Variants in TCF4 observed in about 807,000 individuals in gnomAD.
The protein encoded by TCF4 is transcription factor 4, also known as SL3-3 enhancer factor 2.
A neutral mutation model predicts 82.1 loss-of-function variants in TCF4; 3 were observed. That is an observed-to-expected ratio of 0.04 (90% confidence interval 0.02 to 0.09). The LOEUF (loss-of-function observed/expected upper bound fraction) is 0.09, where lower values mean the gene tolerates loss of function less well. Among genes scored for constraint, TCF4 ranks in the 10% least tolerant of loss-of-function variants. The probability of loss-of-function intolerance (pLI) is 1.00; values close to 1 mark genes in which losing one functional copy is unlikely to be tolerated. For synonymous variants in TCF4, 276 were observed against 309.6 expected, an observed-to-expected ratio of 0.89 and a Z score of 1.14; for missense variants, 518 against 852.7, an observed-to-expected ratio of 0.61 and a Z score of 4.89.
chr18:55,532,867 C>G (rs1266447577), intron 3 of TCF4, among the ~76,000 whole-genome samples: 3 of 152,102 alleles, frequency 2.0e-5, no homozygotes, highest in Non-Finnish European at 2.9e-5. Flanking sequence ...AAGCATGTTT[C>G]CAAATTCCAC....
chr18:55,301,233 C>G (rs957699860), intron 8 of TCF4, among the ~76,000 whole-genome samples: 1 of 152,192 alleles, frequency 6.6e-6, no homozygotes, highest in African/African-American at 2.4e-5. Context: ...TCAAGAAAAC[C>G]CGCTGAGCTG....
chr18:55,390,046 A>G (rs922058890), intron 6 of TCF4, among the ~76,000 whole-genome samples: 1 of 152,188 alleles, frequency 6.6e-6, no homozygotes, highest in African/African-American at 2.4e-5. Flanking sequence ...CAAAAGCACA[A>G]TACCAAAGGT....
rs540876985 is a variant in TCF4 at position 55,275,292 on chromosome 18, A to AC, written c.789+326_789+327insG. Reference sequence around the variant, plus strand: ...TACAGATAGAAAAAAAAAAAAAAAAAAAAAAACCAGGAACCACCATGTTAA... The same window carrying AC: ...TACAGATAGAAAAAAAAAAAAAAAAACAAAAAACCAGGAACCACCATGTTAA... On this transcript the variant is annotated intron_variant, in intron 10 of 19. Coordinates refer to ENST00000354452, the MANE Select transcript of TCF4 (RefSeq NM_001083962.2). 3.1e-3 allele frequency among the ~76,000 whole-genome samples: 466 copies of AC among 150,632 alleles called. 3 individuals are homozygous for AC. The highest frequency in any genetic ancestry group is 7.7e-3 in the African/African-American group (318 of 41,186).
intron 3 of TCF4, among the ~76,000 whole-genome samples, chr18:55,526,631 C>T (rs1315479553): frequency 6.6e-6 from 1 of 152,098 alleles, no homozygotes; most frequent in Non-Finnish European, 1.5e-5. Flanking sequence ...TGTTCTGTTC[C>T]ACAGACAGCA....
At chr18:55,528,398 C>T (rs185545457) in intron 3 of TCF4, among the ~76,000 whole-genome samples, 1 of 152,252 alleles carries the variant, frequency 6.6e-6, no homozygotes, top group African/African-American at 2.4e-5. Flanking sequence ...AGTGCATAAC[C>T]CAGAAGTCTC....
chr18:55,358,447 TCA>T (rs2084170942), intron 6 of TCF4, among the ~76,000 whole-genome samples: 2 of 152,312 alleles, frequency 1.3e-5, no homozygotes, highest in South Asian at 4.1e-4. Context: ...CAGCTACAAG[TCA>T]CAGTGTCTGC....
intron 6 of TCF4, among the ~76,000 whole-genome samples, chr18:55,356,033 G>T (rs1042486680): frequency 6.6e-6 from 1 of 152,036 alleles, no homozygotes; most frequent in Non-Finnish European, 1.5e-5. Context: ...CTTTCTTCCC[G>T]TGTAAAAAGG....
intron 10 of TCF4, among the ~76,000 whole-genome samples, chr18:55,271,961 C>A (rs1159675812): frequency 6.6e-6 from 1 of 152,056 alleles, no homozygotes; most frequent in Admixed American, 6.6e-5. Context: ...AGACGAACTA[C>A]AAATCTGCCT....
At chr18:55,447,044 C>T (rs1209166743) in intron 5 of TCF4, among the ~76,000 whole-genome samples, 2 of 151,248 alleles carry the variant, frequency 1.3e-5, no homozygotes, top group African/African-American at 4.9e-5. Context: ...GACACAGTGG[C>T]TCACACTTGT....
At chr18:55,434,554 G>C (rs2095283044) in intron 5 of TCF4, among the ~76,000 whole-genome samples, 1 of 151,308 alleles carries the variant, frequency 6.6e-6, no homozygotes. Flanking sequence ...CAAGTAGCTG[G>C]GACTACAGGC....
chr18:55,321,045 C>T (rs1030284254), intron 8 of TCF4, among the ~76,000 whole-genome samples: 2 of 152,172 alleles, frequency 1.3e-5, no homozygotes, highest in Admixed American at 6.5e-5. Flanking sequence ...CTGTTATATG[C>T]ATGAATGAAC....
intron 5 of TCF4, among the ~76,000 whole-genome samples, chr18:55,420,462 A>G (rs1301296895): frequency 1.3e-5 from 2 of 152,212 alleles, no homozygotes; most frequent in Admixed American, 6.5e-5. Context: ...GGATTCCTTG[A>G]TCACGGGACA....
chr18:55,377,002 A>G (rs1422346824), intron 6 of TCF4, among the ~76,000 whole-genome samples: 1 of 152,192 alleles, frequency 6.6e-6, no homozygotes, highest in Non-Finnish European at 1.5e-5. Context: ...ATAATGGCTG[A>G]GGCACTAAAT....
intron 8 of TCF4, among the ~76,000 whole-genome samples, chr18:55,289,004 T>G (rs906717843): frequency 6.6e-6 from 1 of 152,252 alleles, no homozygotes; most frequent in African/African-American, 2.4e-5. Context: ...TGCATTTCTC[T>G]TGCTCTTGGC....
At chr18:55,421,616 T>C (rs928459401) in intron 5 of TCF4, among the ~76,000 whole-genome samples, 1 of 152,242 alleles carries the variant, frequency 6.6e-6, no homozygotes, top group African/African-American at 2.4e-5. Flanking sequence ...TATAAAGAAG[T>C]ACACTTCTAT....
chr18:55,284,904 A>G (rs1378851702), intron 8 of TCF4, among the ~76,000 whole-genome samples: 5 of 152,182 alleles, frequency 3.3e-5, no homozygotes, highest in Non-Finnish European at 5.9e-5. Flanking sequence ...TGTCCACAGA[A>G]CTACCCATGT....
At chr18:55,382,976 T>C (rs1430534460) in intron 6 of TCF4, among the ~76,000 whole-genome samples, 1 of 152,232 alleles carries the variant, frequency 6.6e-6, no homozygotes, top group East Asian at 1.9e-4. Context: ...AAACAGCTAC[T>C]TAGGATTTGA....
At chr18:55,438,786 A>G (rs931687616) in intron 5 of TCF4, among the ~76,000 whole-genome samples, 10 of 152,228 alleles carry the variant, frequency 6.6e-5, no homozygotes, top group Non-Finnish European at 1.5e-4. Flanking sequence ...TCCATACTCC[A>G]GTCCCACACA....
intron 3 of TCF4, among the ~76,000 whole-genome samples, chr18:55,500,059 T>C (rs1415531517): frequency 6.6e-6 from 1 of 152,042 alleles, no homozygotes; most frequent in African/African-American, 2.4e-5. Context: ...GGTATACGCC[T>C]GTAATCCCAG....
Sources: allele counts gnomAD v4.1 joint callset (sites outside exome capture counted in the v4.1 genomes callset), GRCh38; gene constraint gnomAD v4.1.1; transcripts MANE v1.5; gene names NCBI Gene and HGNC (gene_info 2026-07-23, HGNC 2026-07-21).